The following CSMD1 variants were observed in gnomAD, a reference collection of about 807,000 sequenced individuals.
The protein encoded by CSMD1 is CUB and Sushi multiple domains 1.
CSMD1 carries 213 observed loss-of-function variants against 417.5 expected under a neutral mutation model. That is an observed-to-expected ratio of 0.51 (90% CI 0.46 to 0.57). CSMD1 has a LOEUF of 0.57. Among genes scored for constraint, CSMD1 ranks in the 20% least tolerant of loss-of-function variants. The pLI, the probability that CSMD1 is intolerant of heterozygous loss-of-function variation, is 0.00. For synonymous variants in CSMD1, 2,862 were observed against 1,736.8 expected (o/e 1.65, Z -16.11); for missense variants, 6,923 against 4,529.7 (o/e 1.53, Z -15.17).
At chr8:3,225,914 G>T (rs1798473653) in intron 27 of CSMD1, among the ~76,000 whole-genome samples, 1 of 152,168 alleles carries the variant, frequency 6.6e-6, no homozygotes, top group African/African-American at 2.4e-5. Context: ...AAATTCTCCA[G>T]AAGGAATAGA....
In CSMD1 at chr8:3,995,814, G is replaced by C. The variant is rs566992558; in HGVS notation, c.818+2089C>G. ...GGCTAATCATGGCTATTTGAAGAGA[G>C]CAGCTAAGCTAACAGGCAACAGAGT... On this transcript the variant is annotated intron_variant, in intron 5 of 69. Transcript: ENST00000635120. 3.9e-5 allele frequency among the ~76,000 whole-genome samples: 6 copies of C among 152,292 alleles called. No individual in the cohort carries two copies. The South Asian group carries it at 1.2e-3, about 32-fold the overall frequency.
intron 2 of CSMD1, among the ~76,000 whole-genome samples, chr8:4,549,050 A>T (rs937113590): frequency 6.6e-6 from 1 of 152,166 alleles, no homozygotes; most frequent in Non-Finnish European, 1.5e-5. Context: ...TTTCACATTC[A>T]TTTAATGTTT....
At chr8:3,859,770 C>A (rs1804568224) in intron 5 of CSMD1, among the ~76,000 whole-genome samples, 1 of 152,158 alleles carries the variant, frequency 6.6e-6, no homozygotes, top group African/African-American at 2.4e-5. Flanking sequence ...CTGAATACTG[C>A]TGCATACTTA....
intron 1 of CSMD1, among the ~76,000 whole-genome samples, chr8:4,690,890 G>A (rs1311995021): frequency 4.6e-5 from 7 of 152,002 alleles, no homozygotes; most frequent in Non-Finnish European, 7.4e-5. Flanking sequence ...CACCATGCCC[G>A]GCTAATTTTT....
chr8:3,910,000 T>C (rs899098962), intron 5 of CSMD1, among the ~76,000 whole-genome samples: 1 of 148,380 alleles, frequency 6.7e-6, no homozygotes, highest in Non-Finnish European at 1.5e-5. Context: ...GTTCCTCCAT[T>C]TATTTATAAA....
intron 1 of CSMD1, among the ~76,000 whole-genome samples, chr8:4,726,766 C>T (rs556068435): frequency 2.0e-5 from 3 of 152,274 alleles, no homozygotes; most frequent in South Asian, 2.1e-4. Context: ...ATGTCCTTTC[C>T]TATGTTCTGG....
intron 2 of CSMD1, among the ~76,000 whole-genome samples, chr8:4,465,747 G>A (rs13252925): frequency 6.6e-6 from 1 of 152,220 alleles, no homozygotes; most frequent in African/African-American, 2.4e-5. Context: ...ACTCTAGTTT[G>A]TAGGTCATCT....
intron 7 of CSMD1, among the ~76,000 whole-genome samples, chr8:3,620,213 G>A (rs1212276254): frequency 1.3e-5 from 2 of 152,070 alleles, no homozygotes; most frequent in Admixed American, 6.6e-5. Context: ...AAAAATGAAA[G>A]GGAAATTAAG....
chr8:4,046,311 T>A (rs1366761776), intron 3 of CSMD1, among the ~76,000 whole-genome samples: 2 of 152,200 alleles, frequency 1.3e-5, no homozygotes, highest in East Asian at 3.8e-4. Context: ...TTTCTCTTCT[T>A]TGTCCTGGAA....
intron 5 of CSMD1, among the ~76,000 whole-genome samples, chr8:3,878,095 C>G (rs566040788): frequency 6.6e-6 from 1 of 152,080 alleles, no homozygotes; most frequent in Non-Finnish European, 1.5e-5. Flanking sequence ...CTATCAGCTT[C>G]TGCCTGTCTT....
intron 5 of CSMD1, among the ~76,000 whole-genome samples, chr8:3,799,252 C>A (rs1294000659): frequency 6.7e-6 from 1 of 150,056 alleles, no homozygotes; most frequent in African/African-American, 2.5e-5. Context: ...TTGATCACAG[C>A]ATTTTTTTTT....
In CSMD1 at chr8:3,343,235, G is replaced by T. The variant is rs144180140; in HGVS notation, c.3631+59C>A. The T allele has an allele frequency of 7.0e-6, 10 of 1,422,202 alleles. No homozygotes were observed. In the African/African-American group the frequency reaches 7.1e-5, roughly 10 times the overall value. 88.1% of individuals were successfully genotyped at this position (1,422,202 alleles called of 1,614,324 possible). ...ATATTTAAAACTTAATATAAGCCAAGTATCAGATATGTCCTGACAAAATGA... is the reference window on the plus strand; with the variant it reads ...ATATTTAAAACTTAATATAAGCCAATTATCAGATATGTCCTGACAAAATGA... On this transcript the variant is annotated intron_variant, in intron 23 of 69. Transcript: ENST00000635120.
At chr8:3,132,199 G>C (rs1034569177) in intron 41 of CSMD1, among the ~76,000 whole-genome samples, 4 of 152,052 alleles carry the variant, frequency 2.6e-5, no homozygotes, top group Non-Finnish European at 4.4e-5. Context: ...GTCACAGAGA[G>C]GATCATGTTG....
intron 5 of CSMD1, among the ~76,000 whole-genome samples, chr8:3,943,175 C>CCCT (rs1810998251): frequency 6.6e-6 from 1 of 151,912 alleles, no homozygotes; most frequent in Non-Finnish European, 1.5e-5. Flanking sequence ...AAAAATGACT[C>CCCT]AATTGAGGAT....
intron 23 of CSMD1, among the ~76,000 whole-genome samples, chr8:3,333,703 C>T (rs1807057799): frequency 6.6e-6 from 1 of 152,048 alleles, no homozygotes; most frequent in African/African-American, 2.4e-5. Context: ...CTATACTTTC[C>T]CCTGGTTCTT....
chr8:3,425,035 T>C (rs1358097161), intron 12 of CSMD1, among the ~76,000 whole-genome samples: 1 of 152,114 alleles, frequency 6.6e-6, no homozygotes, highest in Non-Finnish European at 1.5e-5. Flanking sequence ...GACAGGGGTC[T>C]CACTATGTTG....
chr8:3,711,359 G>A (rs903030457), intron 6 of CSMD1, among the ~76,000 whole-genome samples: 14 of 152,270 alleles, frequency 9.2e-5, no homozygotes, highest in Admixed American at 1.3e-4. Flanking sequence ...CCAAGGAAGG[G>A]CTGGCCAGAG....
At chr8:4,864,001 A>G (rs748638563) in intron 1 of CSMD1, among the ~76,000 whole-genome samples, 6 of 152,038 alleles carry the variant, frequency 3.9e-5, no homozygotes, top group African/African-American at 1.2e-4. Context: ...GTACATGTCT[A>G]TATATGGCAA....
intron 50 of CSMD1, among the ~76,000 whole-genome samples, chr8:3,046,983 G>A (rs1811489466): frequency 6.6e-6 from 1 of 152,104 alleles, no homozygotes; most frequent in African/African-American, 2.4e-5. Flanking sequence ...GCCGAGGCGG[G>A]TGAATCATGA....
Sources: gnomAD v4.1 joint callset for allele counts (sites outside exome capture counted in the v4.1 genomes callset) on GRCh38, gnomAD v4.1.1 for gene constraint, MANE v1.5 for transcripts, NCBI Gene and HGNC (gene_info 2026-07-23, HGNC 2026-07-21) for gene names.